The following GATAD2A variants were observed in gnomAD, a reference collection of about 807,000 sequenced individuals.
The protein encoded by GATAD2A is GATA zinc finger domain containing 2A, also known as transcriptional repressor p66-alpha.
Under a neutral mutation model 68.5 loss-of-function variants are expected in GATAD2A, and 12 were observed. The observed-to-expected ratio is 0.18, with a 90% CI of 0.11 to 0.28. GATAD2A has a LOEUF of 0.28. GATAD2A is among the 10% of genes least tolerant of loss of function. GATAD2A has a pLI of 1.00. For missense variants in GATAD2A, 755 were observed against 868.5 expected (o/e 0.87, Z 1.64); for synonymous variants, 410 against 375.3 (o/e 1.09, Z -1.07).
At chr19:19,434,619 A>G (rs2965184) in intron 1 of GATAD2A, among the ~76,000 whole-genome samples, 23,998 of 152,160 alleles carry the variant, frequency 0.16, 2,011 homozygotes, top group Middle Eastern at 0.28. Context: ...TGTTGACACT[A>G]TTTGGCAAGC....
chr19:19,450,231 A>G (rs1201617974), intron 1 of GATAD2A, among the ~76,000 whole-genome samples: 1 of 152,216 alleles, frequency 6.6e-6, no homozygotes, highest in African/African-American at 2.4e-5. Flanking sequence ...GGTCATTAGC[A>G]TTTCAGATGA....
intron 1 of GATAD2A, among the ~76,000 whole-genome samples, chr19:19,432,703 G>T (rs1490899287): frequency 6.6e-6 from 1 of 152,108 alleles, no homozygotes; most frequent in African/African-American, 2.4e-5. Flanking sequence ...AACATAAAAA[G>T]ACCTCAAAGT....
chr19:19,429,039 C>G (rs1169085021), intron 1 of GATAD2A, among the ~76,000 whole-genome samples: 1 of 147,702 alleles, frequency 6.8e-6, no homozygotes, highest in Non-Finnish European at 1.5e-5. Flanking sequence ...TTTTTTGCCT[C>G]CAGCCGGTGG....
At chr19:19,477,842 C>T (rs891301582) in intron 2 of GATAD2A, among the ~76,000 whole-genome samples, 1 of 152,246 alleles carries the variant, frequency 6.6e-6, no homozygotes, top group Non-Finnish European at 1.5e-5. Flanking sequence ...GCACAAGATT[C>T]AGAATAGCGT....
intron 1 of GATAD2A, among the ~76,000 whole-genome samples, chr19:19,406,484 C>A: frequency 6.8e-6 from 1 of 146,474 alleles, no homozygotes; most frequent in Non-Finnish European, 1.5e-5. Context: ...CGGCGGATCC[C>A]GTGTCAGAAT....
chr19:19,469,398 C>A (rs1401112610), intron 2 of GATAD2A, among the ~76,000 whole-genome samples: 2 of 138,874 alleles, frequency 1.4e-5, no homozygotes, highest in African/African-American at 5.5e-5. Context: ...CGCCACTGCA[C>A]TCCAACCTGG....
intron 1 of GATAD2A, among the ~76,000 whole-genome samples, chr19:19,422,152 A>G (rs1371420392): frequency 6.6e-6 from 1 of 152,170 alleles, no homozygotes; most frequent in Non-Finnish European, 1.5e-5. Flanking sequence ...CAGTGATTCT[A>G]GTGAAATTTA....
At chr19:19,392,394 G>T (rs1382512141) in intron 1 of GATAD2A, among the ~76,000 whole-genome samples, 23 of 109,694 alleles carry the variant, frequency 2.1e-4, no homozygotes, top group South Asian at 1.2e-3. Context: ...TTGTGTGTGT[G>T]TTTTTTTTTT....
At chr19:19,468,364 C>T (rs1036431362) in intron 2 of GATAD2A, among the ~76,000 whole-genome samples, 4 of 152,170 alleles carry the variant, frequency 2.6e-5, no homozygotes, top group African/African-American at 9.6e-5. Flanking sequence ...GGAGACACAG[C>T]GGCTCTGTTT....
intron 1 of GATAD2A, chr19:19,427,654 G>T (rs1212618104): frequency 6.4e-6 from 1 of 156,598 alleles, no homozygotes; most frequent in Non-Finnish European, 1.4e-5. Flanking sequence ...ATTGCTTGGG[G>T]ATTGAAGGTA....
intron 1 of GATAD2A, among the ~76,000 whole-genome samples, chr19:19,449,356 T>C (rs1438198169): frequency 3.9e-5 from 6 of 152,030 alleles, no homozygotes; most frequent in African/African-American, 1.5e-4. Flanking sequence ...ACATTAGGAA[T>C]TTGCAGACCA....
intron 2 of GATAD2A, 126 bp downstream of exon 2, chr19:19,465,740 C>A: frequency 8.8e-7 from 1 of 1,137,586 alleles, no homozygotes. Context: ...GGGCTGTAGG[C>A]TCAGCTCGGG....
intron 1 of GATAD2A, among the ~76,000 whole-genome samples, chr19:19,433,724 G>GT (rs1350720719): frequency 6.6e-6 from 1 of 152,214 alleles, no homozygotes; most frequent in Non-Finnish European, 1.5e-5. Context: ...GATGAAAAGT[G>GT]TAACACTAAA....
chr19:19,493,835 A>G (rs1401304611), intron 4 of GATAD2A, among the ~76,000 whole-genome samples: 1 of 151,528 alleles, frequency 6.6e-6, no homozygotes, highest in East Asian at 1.9e-4. Flanking sequence ...CTTGTCGAAA[A>G]CTCATGGAGG....
upstream of GATAD2A, among the ~76,000 whole-genome samples, chr19:19,403,345 T>C (rs2049933991): frequency 6.6e-6 from 1 of 152,116 alleles, no homozygotes; most frequent in Non-Finnish European, 1.5e-5. Flanking sequence ...TCACTGTCAC[T>C]TACCATCTAC....
At position 19,449,877 on chromosome 19, in the gene GATAD2A, G is replaced by A. The variant is rs561626797; in HGVS notation, c.-6-15463G>A. Reference sequence around the variant, plus strand: ...CTACCTGAAACACATGAGATTGTAAGTGCATTTATTTGTAAATGGGAAAGC... The same window carrying A: ...CTACCTGAAACACATGAGATTGTAAATGCATTTATTTGTAAATGGGAAAGC... On this transcript the variant is annotated intron_variant, in intron 1 of 11. Coordinates refer to ENST00000683918, the MANE Select transcript of GATAD2A (RefSeq NM_001384528.1). Among the ~76,000 whole-genome samples, 7 of 152,334 alleles carry A rather than the reference G, an allele frequency of 4.6e-5. 1 individual carries two copies. In the South Asian group the frequency reaches 1.5e-3, roughly 32 times the overall value.
At chr19:19,487,873 C>A (rs1464775691) in intron 2 of GATAD2A, among the ~76,000 whole-genome samples, 2 of 152,170 alleles carry the variant, frequency 1.3e-5, no homozygotes, top group Non-Finnish European at 2.9e-5. Flanking sequence ...TCATCCCACC[C>A]TTGCACACAG....
chr19:19,387,241 C>T (rs1040218177), intron 1 of GATAD2A, among the ~76,000 whole-genome samples: 3 of 151,998 alleles, frequency 2.0e-5, no homozygotes, highest in African/African-American at 4.8e-5. Flanking sequence ...TGCTGCTTCT[C>T]GGAGGAAGCC....
intron 2 of GATAD2A, among the ~76,000 whole-genome samples, chr19:19,485,823 T>C (rs150135354): frequency 2.0e-5 from 3 of 152,332 alleles, no homozygotes; most frequent in East Asian, 1.9e-4. Context: ...TAGGGCTCCT[T>C]CTTCATATCC....
Sources: gnomAD v4.1 joint callset for allele counts (sites outside exome capture counted in the v4.1 genomes callset) on GRCh38, gnomAD v4.1.1 for gene constraint, MANE v1.5 for transcripts, NCBI Gene and HGNC (gene_info 2026-07-23, HGNC 2026-07-21) for gene names.